Variants in ADD2 observed in about 807,000 individuals in gnomAD.
The protein encoded by ADD2 is beta-adducin.
ADD2 carries 23 observed loss-of-function variants against 83.0 expected under a neutral mutation model. The observed-to-expected ratio is 0.28, with a 90% CI of 0.20 to 0.39. ADD2 has a LOEUF of 0.39. Among genes scored for constraint, ADD2 ranks in the 10% least tolerant of loss-of-function variants. The pLI is 1.00. For synonymous variants in ADD2, 375 were observed against 375.4 expected (o/e 1.00, Z 0.01); for missense variants, 758 against 944.9 (o/e 0.80, Z 2.59).
chr2:70,720,270 G>A (rs143475103), intron 1 of ADD2, among the ~76,000 whole-genome samples: 187 of 152,246 alleles, frequency 1.2e-3, no homozygotes, highest in African/African-American at 4.3e-3. Flanking sequence ...AGGGGAAGGA[G>A]GAAAGTTAGT....
intron 9 of ADD2, 57 bp from the exon 10 acceptor site, chr2:70,683,824 T>C: frequency 6.4e-7 from 1 of 1,550,670 alleles, no homozygotes; most frequent in East Asian, 2.3e-5. Context: ...CCTGCACTTA[T>C]CTATGCTCCT....
In ADD2 at chr2:70,661,937, A is replaced by C. The variant is rs1675548880; in HGVS notation, c.*1488T>G. The C allele has an allele frequency of 6.6e-6, 1 of 152,112 alleles. No individual in the cohort carries two copies. Among genetic ancestry groups the C allele is most frequent in the Admixed American group, 6.5e-5 (1 of 15,268 alleles). 9.4% of individuals were successfully genotyped at this position (152,112 alleles called of 1,614,324 possible). On this transcript the variant is annotated 3_prime_UTR_variant, in exon 16 of 16. Transcript: ENST00000264436. ...ATCATTTTAGGGGGTCAATTTCCTC[A>C]CCCACAAAATGGGAATGATCTTACC...
At chr2:70,669,309 C>G (rs185899556) in intron 15 of ADD2, among the ~76,000 whole-genome samples, 2 of 152,290 alleles carry the variant, frequency 1.3e-5, no homozygotes, top group Admixed American at 6.5e-5. Flanking sequence ...GTTGTCCTCA[C>G]AATAAACTGA....
intron 6 of ADD2, 78 bp downstream of exon 6, chr2:70,695,643 G>A: frequency 7.3e-7 from 1 of 1,376,040 alleles, no homozygotes; most frequent in Non-Finnish European, 1.0e-6. Flanking sequence ...CCAATTTGGA[G>A]ATGACCTAGC....
At chr2:70,664,987 AGTG>A (rs1675716248) in intron 15 of ADD2, among the ~76,000 whole-genome samples, 1 of 80,898 alleles carries the variant, frequency 1.2e-5, no homozygotes, top group Admixed American at 1.1e-4. Flanking sequence ...AATGTGTGCG[AGTG>A]AGTGTGTGAC....
chr2:70,676,750 A>C lies in ADD2; in HGVS notation c.1593+46T>G. On this transcript the variant is annotated intron_variant, in intron 13 of 15. Transcript: ENST00000264436. The surrounding 1 kb of genome is among the most constrained non-coding windows in gnomAD (Gnocchi z 4.8). ...CCAGCCCCAGGCACAGAAGACCCCG[A>C]AGGCAAACACGTTTCCCCGCCAGTC... 3 of 1,613,518 alleles carry C rather than the reference A, an allele frequency of 1.9e-6. No homozygotes were observed. Among genetic ancestry groups the C allele is most frequent in the African/African-American group, 1.3e-5 (1 of 75,004 alleles).
chr2:70,730,094 C>T (rs1283060736), intron 1 of ADD2, among the ~76,000 whole-genome samples: 1 of 152,192 alleles, frequency 6.6e-6, no homozygotes, highest in Non-Finnish European at 1.5e-5. Context: ...TTCATGATTT[C>T]TCAAGAGTCC....
At position 70,695,816 on chromosome 2, in the gene ADD2, C is replaced by T; in HGVS notation, c.475-15G>A. On this transcript the variant is annotated splice_polypyrimidine_tract_variant and intron_variant, in intron 5 of 15. Transcript: ENST00000264436. Reference sequence around the variant, plus strand: ...CTGACTCTCAACTGGAGGAAAGACACAAGTTCTCAGGGGCAAGGAGGGAGA... The same window carrying T: ...CTGACTCTCAACTGGAGGAAAGACATAAGTTCTCAGGGGCAAGGAGGGAGA... The T allele has an allele frequency of 3.1e-6, 5 of 1,612,544 alleles. No homozygotes were observed. Among genetic ancestry groups the T allele is most frequent in the Non-Finnish European group, 4.2e-6 (5 of 1,178,842 alleles).
rs187640757 is a variant in ADD2 at position 70,688,835 on chromosome 2, G to C, written c.850-713C>G. Among the ~76,000 whole-genome samples, 699 of 152,280 alleles carry C rather than the reference G, an allele frequency of 4.6e-3. 5 individuals are homozygous for C. Among genetic ancestry groups the C allele is most frequent in the African/African-American group, 0.016 (655 of 41,534 alleles). ...AAAAGTCTCAGCCGTGGTGGGTCAC[G>C]CCTGTAATCCCAGCACTTTGGGAGG... On this transcript the variant is annotated intron_variant, in intron 8 of 15. Transcript: ENST00000264436.
In ADD2 at chr2:70,666,378, C is replaced by T. The variant is rs533359110; in HGVS notation, c.1871-2643G>A. Among the ~76,000 whole-genome samples the T allele has an allele frequency of 2.0e-5, 3 of 152,366 alleles. No homozygotes were observed. In the East Asian group the frequency reaches 5.8e-4, roughly 29 times the overall value. ...CTGGATCCACTCATGTAAATGAACA[C>T]CAGCCCTGAGTGCTGGCCTTTGTCT... On this transcript the variant is annotated intron_variant, in intron 15 of 15. Coordinates refer to ENST00000264436, the MANE Select transcript of ADD2 (RefSeq NM_001617.4).
In ADD2 at chr2:70,676,788, T is replaced by C; in HGVS notation, c.1593+8A>G. ...TTCCCCGCCAGTCAGGGGCAGCCTC[T>C]GCTCTACCGGGCTTCGGCTCTTCTC... On this transcript the variant is annotated splice_region_variant and intron_variant, in intron 13 of 15. Transcript: ENST00000264436. This position sits in a 1 kb window ranked among gnomAD's most constrained non-coding sequence, Gnocchi z 4.8. The C allele has an allele frequency of 6.2e-7, 1 of 1,614,162 alleles. No individual in the cohort carries two copies. Among genetic ancestry groups the C allele is most frequent in the South Asian group, 1.1e-5 (1 of 91,084 alleles).
intron 1 of ADD2, among the ~76,000 whole-genome samples, chr2:70,747,322 A>G (rs1553382188): frequency 3.3e-5 from 5 of 152,124 alleles, no homozygotes; most frequent in Non-Finnish European, 7.4e-5. Context: ...AGAGTCCAAT[A>G]TGGATTTAAA....
At chr2:70,744,658 G>T (rs1305341550) in intron 1 of ADD2, among the ~76,000 whole-genome samples, 3 of 152,200 alleles carry the variant, frequency 2.0e-5, no homozygotes, top group African/African-American at 7.2e-5. Flanking sequence ...GAGGAATTCT[G>T]CCTTTTTTCT....
At chr2:70,667,855 G>A (rs1206760561) in intron 15 of ADD2, among the ~76,000 whole-genome samples, 3 of 152,140 alleles carry the variant, frequency 2.0e-5, no homozygotes, top group Non-Finnish European at 4.4e-5. Flanking sequence ...CGGACCTCAG[G>A]CGATCCACCA....
Position 70,732,277 on chromosome 2 carries a change from G to A in ADD2, c.-153-19093C>T, listed in dbSNP as rs550701480. 2.1e-4 allele frequency among the ~76,000 whole-genome samples: 32 copies of A among 152,098 alleles called. No homozygotes were observed. In the South Asian group the frequency reaches 2.3e-3, roughly 11 times the overall value. On this transcript the variant is annotated intron_variant, in intron 1 of 15. Coordinates refer to ENST00000264436, the MANE Select transcript of ADD2 (RefSeq NM_001617.4). ...CCAAAAACAGCTCTGGATGTAGCCA[G>A]CAACACTCCTTCCTAAAGCTCGTCT...
At chr2:70,669,630 C>T (rs1022851085) in intron 15 of ADD2, among the ~76,000 whole-genome samples, 1 of 152,232 alleles carries the variant, frequency 6.6e-6, no homozygotes, top group Non-Finnish European at 1.5e-5. Flanking sequence ...TGAGCTATCC[C>T]TCCGGGTATC....
intron 1 of ADD2, among the ~76,000 whole-genome samples, chr2:70,714,068 G>C (rs1412305135): frequency 6.6e-6 from 1 of 152,220 alleles, no homozygotes; most frequent in African/African-American, 2.4e-5. Context: ...ACTGAAGGAG[G>C]AATATAAAGT....
intron 9 of ADD2, 74 bp from the exon 10 acceptor site, chr2:70,683,841 G>A (rs1374044650): frequency 5.4e-6 from 8 of 1,494,300 alleles, no homozygotes; most frequent in Non-Finnish European, 6.3e-6. Context: ...TCCTGTATGT[G>A]ATGAGAGAAT....
chr2:70,658,441 T>G lies in ADD2; in HGVS notation c.*4984A>C, dbSNP rs1553364467. 6.6e-6 allele frequency: 1 copy of G among 152,226 alleles called. No individual in the cohort carries two copies. Among genetic ancestry groups the G allele is most frequent in the African/African-American group, 2.4e-5 (1 of 41,454 alleles). The allele number at this position is 152,226 out of a possible 1,614,324, so 9.4% of individuals were successfully genotyped here. ...TGGAAATGTGCACAGATAACCAATG[T>G]GCACATTTCATGAGTTTACAGTCAC... On this transcript the variant is annotated 3_prime_UTR_variant, in exon 16 of 16. Transcript: ENST00000264436.
Sources: gnomAD v4.1 joint callset for allele counts (sites outside exome capture counted in the v4.1 genomes callset) on GRCh38, gnomAD v4.1.1 for gene constraint, Gnocchi (gnomAD v3.1) non-coding constraint, MANE v1.5 for transcripts, NCBI Gene and HGNC (gene_info 2026-07-23, HGNC 2026-07-21) for gene names.